The following LMO7 variants were observed in gnomAD, a reference collection of about 807,000 sequenced individuals.
LMO7 encodes LIM domain 7, also known as LIM domain only protein 7.
In LMO7, 120 loss-of-function variants were observed where a neutral mutation model predicts 206.5. The ratio of observed to expected loss-of-function variants is 0.58; its 90% confidence interval spans 0.50 to 0.68. The LOEUF is 0.68. Ranked by LOEUF, LMO7 falls within the 30% of genes least tolerant of loss-of-function variation. LMO7 has a pLI of 0.00. For synonymous variants in LMO7, 706 were observed against 681.5 expected (o/e 1.04, Z -0.56); for missense variants, 1,959 against 1,957.9 (o/e 1.00, Z -0.01).
chr13:75,796,446 A>G (rs1012552997), intron 5 of LMO7, among the ~76,000 whole-genome samples, 190 bp from the exon 6 acceptor site: 1 of 152,240 alleles, frequency 6.6e-6, no homozygotes, highest in East Asian at 1.9e-4. Context: ...GCTCAGAGAC[A>G]GGAAAATTTA....
intron 3 of LMO7, 123 bp from the exon 4 acceptor site, chr13:75,760,809 T>C (rs1446443091): frequency 6.5e-7 from 1 of 1,549,418 alleles, no homozygotes; most frequent in Admixed American, 2.0e-5. Context: ...GCATGGGTCT[T>C]GCTGCTGCCT....
chr13:75,857,661 C>G (rs900754585), intron 30 of LMO7: 1 of 304,776 alleles, frequency 3.3e-6, no homozygotes. Flanking sequence ...TGCCTTTTCT[C>G]TCCTCCAAAA....
intron 1 of LMO7, among the ~76,000 whole-genome samples, chr13:75,691,515 A>T (rs2041474336): frequency 6.6e-6 from 1 of 152,136 alleles, no homozygotes; most frequent in Non-Finnish European, 1.5e-5. Context: ...CTCCCTGTCC[A>T]GTTCCCATGC....
At chr13:75,810,538 C>T (rs1227352868) in intron 11 of LMO7, among the ~76,000 whole-genome samples, 1 of 152,224 alleles carries the variant, frequency 6.6e-6, no homozygotes, top group Non-Finnish European at 1.5e-5. Context: ...TATCCGCTTT[C>T]CAGCTCATCT....
intron 3 of LMO7, among the ~76,000 whole-genome samples, chr13:75,739,963 A>C (rs2139139616): frequency 6.6e-6 from 1 of 152,306 alleles, no homozygotes; most frequent in South Asian, 2.1e-4. Flanking sequence ...TTGGGGAAAA[A>C]GCCCACTTCT....
chr13:75,625,784 A>G (rs2033977906), intron 2 of LMO7, among the ~76,000 whole-genome samples: 1 of 152,172 alleles, frequency 6.6e-6, no homozygotes, highest in South Asian at 2.1e-4. Context: ...GATCCTTATG[A>G]GCATTCTGAA....
intron 2 of LMO7, among the ~76,000 whole-genome samples, chr13:75,722,888 A>G (rs138823238): frequency 0.011 from 1,673 of 152,308 alleles, 19 homozygotes; most frequent in South Asian, 0.028. Flanking sequence ...AGAATGGGAG[A>G]TCATTATTCT....
chr13:75,819,254 A>G, intron 12 of LMO7, 139 bp from the exon 13 acceptor site: 5 of 1,020,838 alleles, frequency 4.9e-6, no homozygotes, highest in Non-Finnish European at 6.8e-6. Flanking sequence ...TGGCTATAAA[A>G]AGCAAAATTA....
intron 2 of LMO7, among the ~76,000 whole-genome samples, chr13:75,726,513 T>C (rs948152388): frequency 6.6e-6 from 1 of 152,054 alleles, no homozygotes; most frequent in South Asian, 2.1e-4. Context: ...CAATCAATTA[T>C]GGACTTGAAT....
intron 3 of LMO7, among the ~76,000 whole-genome samples, chr13:75,749,743 A>G (rs539753199): frequency 6.6e-6 from 1 of 151,122 alleles, no homozygotes; most frequent in Non-Finnish European, 1.5e-5. Context: ...GTTGGTTCCT[A>G]TTTTTACTTT....
chr13:75,755,297 T>G (rs1398316223), intron 3 of LMO7, among the ~76,000 whole-genome samples: 1 of 152,222 alleles, frequency 6.6e-6, no homozygotes, highest in Non-Finnish European at 1.5e-5. Context: ...TGGGTAGTTT[T>G]TCTTATGGCG....
At chr13:75,808,228 C>T (rs2055802931) in intron 10 of LMO7, 29 bp downstream of exon 10, 1 of 1,572,496 alleles carries the variant, frequency 6.4e-7, no homozygotes, top group East Asian at 2.3e-5. Context: ...AAGGATTTTG[C>T]TTGTAATGGA....
intron 1 of LMO7, among the ~76,000 whole-genome samples, chr13:75,644,234 C>T (rs1426518564): frequency 6.6e-6 from 1 of 151,970 alleles, no homozygotes; most frequent in Non-Finnish European, 1.5e-5. Flanking sequence ...GTGCATTATA[C>T]CCACATATCT....
intron 13 of LMO7, 104 bp from the exon 14 acceptor site, chr13:75,821,073 G>A (rs2057533641): frequency 6.6e-6 from 5 of 762,150 alleles, no homozygotes; most frequent in Non-Finnish European, 8.6e-6. Flanking sequence ...TGTGAAGTTA[G>A]CATCATTTTA....
chr13:75,670,941 T>C (rs2039505810), intron 1 of LMO7, among the ~76,000 whole-genome samples: 1 of 151,508 alleles, frequency 6.6e-6, no homozygotes, highest in Non-Finnish European at 1.5e-5. Context: ...TCTTATTCTA[T>C]ACCTTTTTTT....
intron 7 of LMO7, among the ~76,000 whole-genome samples, chr13:75,802,118 CTT>C (rs1002026460): frequency 3.3e-5 from 5 of 152,254 alleles, no homozygotes; most frequent in African/African-American, 9.6e-5. Context: ...TGATGTGAAA[CTT>C]ATATAAATAC....
At chr13:75,694,599 A>C (rs983765012) in intron 1 of LMO7, among the ~76,000 whole-genome samples, 1 of 152,174 alleles carries the variant, frequency 6.6e-6, no homozygotes, top group African/African-American at 2.4e-5. Context: ...GGAGAGAATT[A>C]CATGGATTTG....
At chr13:75,681,734 A>G (rs1241563212) in intron 1 of LMO7, among the ~76,000 whole-genome samples, 5 of 134,674 alleles carry the variant, frequency 3.7e-5, no homozygotes, top group African/African-American at 5.3e-5. Context: ...ATATATATAT[A>G]TATATATATA....
At chr13:75,815,297 T>C (rs1360128178) in intron 11 of LMO7, among the ~76,000 whole-genome samples, 1 of 152,122 alleles carries the variant, frequency 6.6e-6, no homozygotes. Context: ...GGTGTAATGG[T>C]GCAGGTGGTA....
Sources: allele counts gnomAD v4.1 joint callset (sites outside exome capture counted in the v4.1 genomes callset), GRCh38; gene constraint gnomAD v4.1.1; transcripts MANE v1.5; gene names NCBI Gene and HGNC (gene_info 2026-07-23, HGNC 2026-07-21).